EXT2: variants seen among roughly 807,000 people sequenced by gnomAD.
EXT2 encodes the protein exostosin glycosyltransferase 2.
EXT2 carries 53 observed loss-of-function variants against 81.6 expected under a neutral mutation model. That is an observed-to-expected ratio of 0.65 (90% CI 0.52 to 0.82). The LOEUF (loss-of-function observed/expected upper bound fraction) is 0.82, where lower values mean the gene tolerates loss of function less well. EXT2 is among the 40% of genes least tolerant of loss of function. EXT2 has a pLI of 0.00. For missense variants in EXT2, 774 were observed against 910.2 expected, an observed-to-expected ratio of 0.85 and a Z score of 1.93; for synonymous variants, 320 against 340.0, an observed-to-expected ratio of 0.94 and a Z score of 0.65.
intron 13 of EXT2, among the ~76,000 whole-genome samples, chr11:44,243,019 G>A (rs1956053884): frequency 6.6e-6 from 1 of 152,194 alleles, no homozygotes; most frequent in African/African-American, 2.4e-5. Context: ...GGTAGTTGTT[G>A]CTTTGTGGTG....
intron 8 of EXT2, among the ~76,000 whole-genome samples, chr11:44,182,628 A>T (rs1419168837): frequency 1.3e-5 from 2 of 152,112 alleles, no homozygotes; most frequent in Admixed American, 6.5e-5. Context: ...CTTTTATCAC[A>T]GTTGCTTTAT....
intron 7 of EXT2, among the ~76,000 whole-genome samples, chr11:44,163,506 G>A (rs900368783): frequency 4.6e-5 from 7 of 152,174 alleles, no homozygotes; most frequent in Non-Finnish European, 7.4e-5. Flanking sequence ...GGGAATGCTC[G>A]TTGCTACTAT....
At chr11:44,188,513 A>G (rs1955347738) in intron 8 of EXT2, among the ~76,000 whole-genome samples, 1 of 152,190 alleles carries the variant, frequency 6.6e-6, no homozygotes, top group African/African-American at 2.4e-5. Context: ...ATTTAGTTGA[A>G]AGTGGCTTTG....
chr11:44,127,318 G>A (rs375397573), intron 6 of EXT2, among the ~76,000 whole-genome samples: 161 of 152,192 alleles, frequency 1.1e-3, no homozygotes, highest in Middle Eastern at 3.4e-3. Flanking sequence ...CCCAACTCCC[G>A]GGCTGTGGCC....
intron 10 of EXT2, among the ~76,000 whole-genome samples, chr11:44,225,282 C>T (rs1342358421): frequency 1.3e-5 from 2 of 152,180 alleles, no homozygotes. Context: ...TTCTCTGCCT[C>T]AGAGCCTCAC....
At chr11:44,203,882 A>T (rs970339967) in intron 9 of EXT2, among the ~76,000 whole-genome samples, 2 of 152,178 alleles carry the variant, frequency 1.3e-5, no homozygotes, top group Non-Finnish European at 2.9e-5. Flanking sequence ...CAAAGAAGAG[A>T]TGTTTACAGG....
At chr11:44,146,291 G>C (rs978944111) in intron 7 of EXT2, among the ~76,000 whole-genome samples, 2 of 152,178 alleles carry the variant, frequency 1.3e-5, no homozygotes, top group Non-Finnish European at 2.9e-5. Context: ...GAGATGCTAG[G>C]GGTGAGGGTG....
At chr11:44,217,151 A>C (rs902588316) in intron 10 of EXT2, among the ~76,000 whole-genome samples, 1 of 151,822 alleles carries the variant, frequency 6.6e-6, no homozygotes, top group Admixed American at 6.6e-5. Flanking sequence ...CTGTCACTTC[A>C]GGCTTTATTG....
chr11:44,099,094 C>T (rs747525898), intron 1 of EXT2, among the ~76,000 whole-genome samples: 9 of 152,160 alleles, frequency 5.9e-5, no homozygotes, highest in Admixed American at 1.3e-4. Context: ...CTCAACCTCC[C>T]GGGTTCAAGA....
chr11:44,206,211 G>A (rs368806959), intron 9 of EXT2, among the ~76,000 whole-genome samples: 4 of 152,170 alleles, frequency 2.6e-5, no homozygotes, highest in Non-Finnish European at 4.4e-5. Context: ...GGATTTTAGC[G>A]GCACCAAAAG....
At chr11:44,188,187 G>A (rs1955342651) in intron 8 of EXT2, among the ~76,000 whole-genome samples, 1 of 152,194 alleles carries the variant, frequency 6.6e-6, no homozygotes, top group Admixed American at 6.5e-5. Flanking sequence ...GTGAAACTTG[G>A]TATCCTGGGA....
intron 9 of EXT2, among the ~76,000 whole-genome samples, chr11:44,200,005 C>A (rs914079670): frequency 2.6e-5 from 4 of 151,950 alleles, no homozygotes; most frequent in African/African-American, 7.2e-5. Context: ...CTGGCTCTGG[C>A]GATGTGGTTG....
intron 7 of EXT2, 105 bp from the exon 8 acceptor site, chr11:44,171,506 T>C (rs1955072757): frequency 1.3e-6 from 2 of 1,568,706 alleles, no homozygotes; most frequent in African/African-American, 1.3e-5. Flanking sequence ...CCTACAACTT[T>C]GGGAATAAAG....
chr11:44,123,152 T>C (rs2135010327), intron 4 of EXT2, among the ~76,000 whole-genome samples: 1 of 152,316 alleles, frequency 6.6e-6, no homozygotes, highest in Non-Finnish European at 1.5e-5. Context: ...TTATGTGATT[T>C]GGACCTGAAG....
Position 44,112,033 on chromosome 11 carries a change from G to A in EXT2, c.627-2152G>A, listed in dbSNP as rs75502083. On this transcript the variant is annotated intron_variant, in intron 3 of 13. Transcript: ENST00000533608. ...ACAAATAAGGATGACCGATAGAATC[G>A]GTCTGCTTTTTTGGGTTTTGTTTTG... Among the ~76,000 whole-genome samples, 3,191 of 152,190 alleles carry A rather than the reference G, an allele frequency of 0.021. 252 individuals carry two copies. In the East Asian group the frequency reaches 0.28, roughly 14 times the overall value.
At chr11:44,103,628 C>A in intron 1 of EXT2, 1 of 424,484 alleles carries the variant, frequency 2.4e-6, no homozygotes, top group East Asian at 7.5e-5. Context: ...TTTGGTAGAA[C>A]TTGGAAAATT....
At chr11:44,163,185 T>C (rs1217242047) in intron 7 of EXT2, among the ~76,000 whole-genome samples, 1 of 152,236 alleles carries the variant, frequency 6.6e-6, no homozygotes, top group African/African-American at 2.4e-5. Flanking sequence ...GTTTTGCTGA[T>C]ATTTTTTTCC....
chr11:44,218,194 G>A (rs1158438374), intron 10 of EXT2, among the ~76,000 whole-genome samples: 1 of 152,160 alleles, frequency 6.6e-6, no homozygotes, highest in Non-Finnish European at 1.5e-5. Flanking sequence ...AAAGAACCAT[G>A]GAAGACCGCA....
intron 10 of EXT2, among the ~76,000 whole-genome samples, chr11:44,212,055 T>G (rs6485500): frequency 0.91 from 139,083 of 152,014 alleles, 63,715 homozygotes; most frequent in East Asian, 0.99. Context: ...GGAGGCTGAG[T>G]CAAGCGGATC....
Sources: gnomAD v4.1 joint callset for allele counts (sites outside exome capture counted in the v4.1 genomes callset) on GRCh38, gnomAD v4.1.1 for gene constraint, MANE v1.5 for transcripts, NCBI Gene and HGNC (gene_info 2026-07-23, HGNC 2026-07-21) for gene names.